FASTKD1: variants seen among roughly 807,000 people sequenced by gnomAD.
FASTKD1 encodes FAST kinase domain-containing protein 1, mitochondrial.
In FASTKD1, 94 loss-of-function variants were observed where a neutral mutation model predicts 90.9. That is an observed-to-expected ratio of 1.03 (90% CI 0.88 to 1.23). The LOEUF (loss-of-function observed/expected upper bound fraction) is 1.23. FASTKD1 is among the 50% of genes most tolerant of loss of function. The pLI is 0.00. For synonymous variants in FASTKD1, 319 were observed against 345.8 expected, an observed-to-expected ratio of 0.92 and a Z score of 0.86; for missense variants, 945 against 993.5, an observed-to-expected ratio of 0.95 and a Z score of 0.66.
At chr2:169,567,533 G>A (rs959927009) in intron 3 of FASTKD1, among the ~76,000 whole-genome samples, 4 of 152,156 alleles carry the variant, frequency 2.6e-5, no homozygotes, top group African/African-American at 9.7e-5. Context: ...GATTAATACA[G>A]AATTTCTAAA....
intron 1 of FASTKD1, 55 bp downstream of exon 1, chr2:169,573,613 GA>G (rs1448383648): frequency 1.3e-5 from 2 of 152,184 alleles, no homozygotes; most frequent in African/African-American, 4.8e-5. Context: ...TCCCCAGCCC[GA>G]AAACGTGCTG....
chr2:169,550,545 C>T (rs1458922657), intron 7 of FASTKD1, among the ~76,000 whole-genome samples: 2 of 151,842 alleles, frequency 1.3e-5, no homozygotes, highest in East Asian at 3.9e-4. Flanking sequence ...GTGGCATGAT[C>T]ATAGTTCACT....
At chr2:169,563,507 A>T (rs1209373676) in intron 3 of FASTKD1, 157 bp from the exon 4 acceptor site, 1 of 411,392 alleles carries the variant, frequency 2.4e-6, no homozygotes, top group African/African-American at 2.1e-5. Context: ...CAACAGTTAA[A>T]AAGTCAGATA....
rs148415571 is a variant in FASTKD1 at position 169,560,753 on chromosome 2, G to A, written c.605C>T (p.Ser202Phe). The A allele has an allele frequency of 1.7e-4, 261 of 1,561,052 alleles. No homozygotes were observed. Among genetic ancestry groups the A allele is most frequent in the Admixed American group, 1.6e-3 (84 of 52,106 alleles). Reference sequence around the variant, plus strand: ...TTGTTGAAAATGTCGTGATATTAAAGAAGATATGTTGACCATCAAGACAGA... The same window carrying A: ...TTGTTGAAAATGTCGTGATATTAAAAAAGATATGTTGACCATCAAGACAGA... The part of the protein sequence containing the change: ...SLSVLMVNIS[S>F]LISRHFQQQL... Residue 202 changes from serine (S) to phenylalanine (F), a missense_variant, in exon 5 of 15, where the codon TCT (serine) becomes TTT (phenylalanine). Transcript: ENST00000453153.
rs1025015949 is a variant in FASTKD1, at chr2:169,553,835, T to C, written c.1214+1289A>G. Reference sequence around the variant, plus strand: ...TGCTCAGGAGGCTGAGGCAGGAGAATGGCGTGAACCCGGGTGGCAGAGCTT... The same window carrying C: ...TGCTCAGGAGGCTGAGGCAGGAGAACGGCGTGAACCCGGGTGGCAGAGCTT... On this transcript the variant is annotated intron_variant, in intron 7 of 14. Coordinates refer to ENST00000453153, the MANE Select transcript of FASTKD1 (RefSeq NM_024622.6). Among the ~76,000 whole-genome samples the C allele has an allele frequency of 3.3e-5, 5 of 152,016 alleles. 1 individual carries two copies. The highest frequency in any genetic ancestry group is 9.7e-5 in the African/African-American group (4 of 41,384).
intron 12 of FASTKD1, 196 bp from the exon 13 acceptor site, chr2:169,531,686 T>TA (rs1024425497): frequency 2.0e-6 from 1 of 503,326 alleles, no homozygotes; most frequent in Non-Finnish European, 3.5e-6. Context: ...AATCAATCAA[T>TA]AAAAAAATCA....
intron 9 of FASTKD1, 92 bp downstream of exon 9, chr2:169,544,629 G>C (rs964652256): frequency 1.4e-5 from 10 of 738,570 alleles, no homozygotes; most frequent in Non-Finnish European, 2.1e-5. Context: ...GTCTATTATG[G>C]TTACCCTTTA....
In FASTKD1 at chr2:169,529,791, T is replaced by C; in HGVS notation, c.*34A>G. Reference sequence around the variant, plus strand: ...GCCACTTTATTAAAATAGGTCCAAATGTAACACACGATAACATTCATTTTA... The same window carrying C: ...GCCACTTTATTAAAATAGGTCCAAACGTAACACACGATAACATTCATTTTA... On this transcript the variant is annotated 3_prime_UTR_variant, in exon 15 of 15. Coordinates refer to ENST00000453153, the MANE Select transcript of FASTKD1 (RefSeq NM_024622.6). The C allele has an allele frequency of 6.8e-7, 1 of 1,466,886 alleles. No individual in the cohort carries two copies. Among genetic ancestry groups the C allele is most frequent in the Non-Finnish European group, 9.5e-7 (1 of 1,057,988 alleles). 90.9% of individuals were successfully genotyped at this position (1,466,886 alleles called of 1,614,324 possible).
chr2:169,572,002 ACT>A lies in FASTKD1; in HGVS notation c.26_27del (p.Glu9ValfsTer28), dbSNP rs749687040. 7 of 1,581,694 alleles carry A rather than the reference ACT, an allele frequency of 4.4e-6. No individual in the cohort carries two copies. Among genetic ancestry groups the A allele is most frequent in the Non-Finnish European group, 1.7e-6 (2 of 1,164,698 alleles). MKKTPVFL[E>X]SLVTNMLRLR... Reference sequence around the variant, plus strand: ...AGACGAAGCATATTTGTAACCAATGACTCTAGGAAAACAGGTGTTTTTTTCAT... The same window carrying A: ...AGACGAAGCATATTTGTAACCAATGACTAGGAAAACAGGTGTTTTTTTCAT... On this transcript the variant is annotated frameshift_variant, in exon 2 of 15. Transcript: ENST00000453153. LOFTEE classifies it high-confidence loss of function.
Position 169,546,513 on chromosome 2 carries a change from A to G in FASTKD1, c.1406T>C (p.Leu469Ser). 1 of 1,614,120 alleles carries G rather than the reference A, an allele frequency of 6.2e-7. No homozygotes were observed. The highest frequency in any genetic ancestry group is 8.5e-7 in the Non-Finnish European group (1 of 1,180,014). ...CAGTTGTTTCGCAGTCATATTATCCAAATACATGTGATCATGCTGAATCCA... is the reference window on the plus strand; with the variant it reads ...CAGTTGTTTCGCAGTCATATTATCCGAATACATGTGATCATGCTGAATCCA... The part of the protein sequence containing the change: ...LRWIQHDHMY[L>S]DNMTAKQLKL... The change falls in exon 8 of 15, where the codon TTG becomes TCG. Residue 469 changes from leucine (L) to serine (S), a missense_variant. Coordinates refer to ENST00000453153, the MANE Select transcript of FASTKD1 (RefSeq NM_024622.6).
intron 3 of FASTKD1, among the ~76,000 whole-genome samples, chr2:169,564,518 C>G (rs1219637619): frequency 1.3e-5 from 2 of 152,012 alleles, no homozygotes; most frequent in African/African-American, 4.8e-5. Flanking sequence ...GCAAAATAAA[C>G]ACATCATGAA....
At chr2:169,550,865 C>T (rs1685460290) in intron 7 of FASTKD1, among the ~76,000 whole-genome samples, 1 of 152,178 alleles carries the variant, frequency 6.6e-6, no homozygotes, top group African/African-American at 2.4e-5. Context: ...AAAATTAATA[C>T]ACTATTTTAT....
chr2:169,561,949 A>G (rs1477550235), intron 4 of FASTKD1, among the ~76,000 whole-genome samples: 1 of 129,568 alleles, frequency 7.7e-6, no homozygotes, highest in African/African-American at 2.9e-5. Flanking sequence ...ATTATAAATT[A>G]ATTATTAATT....
intron 5 of FASTKD1, among the ~76,000 whole-genome samples, chr2:169,559,509 A>G (rs1683486655): frequency 6.6e-6 from 1 of 152,156 alleles, no homozygotes; most frequent in Admixed American, 6.5e-5. Context: ...AGTTCACTGC[A>G]GGCTCAACCT....
At position 169,548,347 on chromosome 2, in the gene FASTKD1, C is replaced by T. The variant is rs560765320; in HGVS notation, c.1215-1643G>A. Among the ~76,000 whole-genome samples, 4 of 151,000 alleles carry T rather than the reference C, an allele frequency of 2.6e-5. No individual in the cohort carries two copies. The South Asian group carries it at 6.3e-4, about 24-fold the overall frequency. The stretch of plus-strand genomic sequence containing the variant: ...ACAAACAACAACAAAAGAAACAGGA[C>T]ATAGTTGACCTCATTCTCTACTTCA... On this transcript the variant is annotated intron_variant, in intron 7 of 14. Coordinates refer to ENST00000453153, the MANE Select transcript of FASTKD1 (RefSeq NM_024622.6).
At position 169,571,854 on chromosome 2, in the gene FASTKD1, T is replaced by C. The variant is rs376584860; in HGVS notation, c.176A>G (p.Asn59Ser). ...TTGCTTTTCTGAAAGTATGGCTTTG[T>C]TTCTTTCAATAAAACCAAACATTTG... ...EEQMFGFIER[N>S]KAILSEKQVG... Residue 59 changes from asparagine to serine, a missense_variant, in exon 2 of 15, where the codon AAC becomes AGC. Transcript: ENST00000453153. 9.3e-6 allele frequency: 15 copies of C among 1,613,966 alleles called. No homozygotes were observed. In the Admixed American group the frequency reaches 1.8e-4, roughly 20 times the overall value.
At chr2:169,553,170 G>A (rs1685570310) in intron 7 of FASTKD1, among the ~76,000 whole-genome samples, 2 of 151,038 alleles carry the variant, frequency 1.3e-5, no homozygotes, top group African/African-American at 4.9e-5. Context: ...ATGCTCTACT[G>A]CAGCCTGGGT....
intron 6 of FASTKD1, among the ~76,000 whole-genome samples, chr2:169,555,840 A>C (rs1683275432): frequency 6.6e-6 from 1 of 152,344 alleles, no homozygotes; most frequent in African/African-American, 2.4e-5. Flanking sequence ...AAATGGCAGT[A>C]TGACTTCAAG....
In FASTKD1 at chr2:169,528,783, A is replaced by G. The variant is rs1684362541; in HGVS notation, c.*1042T>C. On this transcript the variant is annotated 3_prime_UTR_variant, in exon 15 of 15. Coordinates refer to ENST00000453153, the MANE Select transcript of FASTKD1 (RefSeq NM_024622.6). The stretch of plus-strand genomic sequence containing the variant: ...TCCCATTTGTCATCTTTCCTGACCT[A>G]TCAGCAGCATCTGATACAACTACTC... Among the ~76,000 whole-genome samples, 1 of 152,106 alleles carries G rather than the reference A, an allele frequency of 6.6e-6. No homozygotes were observed. Among genetic ancestry groups the G allele is most frequent in the Non-Finnish European group, 1.5e-5 (1 of 68,032 alleles).
Sources: allele counts gnomAD v4.1 joint callset (sites outside exome capture counted in the v4.1 genomes callset), GRCh38; gene constraint gnomAD v4.1.1; transcripts MANE v1.5; gene names NCBI Gene and HGNC (gene_info 2026-07-23, HGNC 2026-07-21).